The following AFAP1L2 variants were observed in gnomAD, a reference collection of about 807,000 sequenced individuals.
AFAP1L2 encodes the protein actin filament associated protein 1 like 2.
A neutral mutation model predicts 99.3 loss-of-function variants in AFAP1L2; 46 were observed. The observed-to-expected ratio is 0.46, with a 90% CI of 0.37 to 0.59. The LOEUF is 0.59. Among genes scored for constraint, AFAP1L2 ranks in the 20% least tolerant of loss-of-function variants. The pLI is 0.00. For synonymous variants in AFAP1L2, 397 were observed against 419.1 expected, an observed-to-expected ratio of 0.95 and a Z score of 0.64; for missense variants, 959 against 1,034.9, an observed-to-expected ratio of 0.93 and a Z score of 1.01.
chr10:114,363,239 T>A, intron 1 of AFAP1L2: 1 of 935,316 alleles, frequency 1.1e-6, no homozygotes, highest in Non-Finnish European at 1.3e-6. Flanking sequence ...TTGCATCTCT[T>A]GGATGGTCCT....
At chr10:114,398,975 T>C in intron 1 of AFAP1L2, 2 of 1,223,398 alleles carry the variant, frequency 1.6e-6, no homozygotes, top group East Asian at 5.7e-5. Context: ...CATCTCCATT[T>C]CTGGAATCTG....
the AFAP1L2 span, among the ~76,000 whole-genome samples, chr10:114,285,264 C>G: frequency 5.3e-5 from 8 of 152,288 alleles, no homozygotes; most frequent in Admixed American, 4.6e-4. Flanking sequence ...GGAGTCCACC[C>G]AACTCTGGCT....
chr10:114,389,494 A>G (rs2056891009), intron 1 of AFAP1L2, among the ~76,000 whole-genome samples: 2 of 152,164 alleles, frequency 1.3e-5, no homozygotes, highest in Admixed American at 1.3e-4. Flanking sequence ...GTACTAGAAA[A>G]ATCTAATTCC....
At chr10:114,363,925 C>T (rs937678300) in intron 1 of AFAP1L2, among the ~76,000 whole-genome samples, 26 of 151,676 alleles carry the variant, frequency 1.7e-4, no homozygotes, top group Admixed American at 5.3e-4. Flanking sequence ...TGCCCAAAGA[C>T]ACATAGCTAA....
At chr10:114,381,521 C>T (rs1049535353) in intron 1 of AFAP1L2, among the ~76,000 whole-genome samples, 11 of 152,116 alleles carry the variant, frequency 7.2e-5, no homozygotes, top group African/African-American at 2.7e-4. Flanking sequence ...AAATTGTACA[C>T]TTTAAATGGG....
At chr10:114,373,131 T>G (rs1169791783) in intron 1 of AFAP1L2, among the ~76,000 whole-genome samples, 1 of 152,230 alleles carries the variant, frequency 6.6e-6, no homozygotes, top group Non-Finnish European at 1.5e-5. Flanking sequence ...TGGTCCCAGC[T>G]ACTCAGGAGG....
At chr10:114,291,623 A>C, downstream of AFAP1L2, 1 of 199,532 alleles carries the variant, frequency 5.0e-6, no homozygotes, top group Non-Finnish European at 1.0e-5. Context: ...CACACAATCA[A>C]TGCTCGCCAG....
At chr10:114,290,637 CAT>C (rs1465033492), downstream of AFAP1L2, among the ~76,000 whole-genome samples, 3 of 152,144 alleles carry the variant, frequency 2.0e-5, no homozygotes, top group Non-Finnish European at 4.4e-5. Context: ...AATAATACAA[CAT>C]GTGGTGTGGT....
chr10:114,395,683 G>A (rs1325116532), intron 1 of AFAP1L2, among the ~76,000 whole-genome samples: 1 of 152,208 alleles, frequency 6.6e-6, no homozygotes, highest in Non-Finnish European at 1.5e-5. Context: ...TAACAAGAAG[G>A]CTAAGACAGT....
At chr10:114,352,832 G>A (rs1455504995) in intron 1 of AFAP1L2, among the ~76,000 whole-genome samples, 2 of 152,200 alleles carry the variant, frequency 1.3e-5, no homozygotes, top group Non-Finnish European at 2.9e-5. Context: ...CAGCCACAAG[G>A]GGCAATGTTC....
At chr10:114,396,932 T>C (rs1590876479) in intron 1 of AFAP1L2, among the ~76,000 whole-genome samples, 1 of 152,184 alleles carries the variant, frequency 6.6e-6, no homozygotes, top group Non-Finnish European at 1.5e-5. Flanking sequence ...TTTTGTTTTG[T>C]ACCAAATTTC....
At chr10:114,379,470 A>ATAC (rs1421949593) in intron 1 of AFAP1L2, among the ~76,000 whole-genome samples, 2 of 152,310 alleles carry the variant, frequency 1.3e-5, no homozygotes, top group South Asian at 2.1e-4. Context: ...AATAATAATA[A>ATAC]TAAAGAATGA....
chr10:114,297,320 C>T lies in AFAP1L2; in HGVS notation c.2207G>A (p.Ser736Asn), dbSNP rs920570617. ...CAGGTTGTCCTTCACCTCCATGATG[C>T]TGAGCTCCAGGTCCACGCGCCTGCT... ...EESRRVDLELSIMEVKDNLKK... is the reference protein window; with the variant it reads ...EESRRVDLELNIMEVKDNLKK... Residue 736 changes from serine to asparagine, a missense_variant, in exon 17 of 19, where the codon AGC (serine) becomes AAC (asparagine). Coordinates refer to ENST00000304129, the MANE Select transcript of AFAP1L2 (RefSeq NM_001001936.3). The T allele has an allele frequency of 6.2e-7, 1 of 1,613,996 alleles. No individual in the cohort carries two copies. The highest frequency in any genetic ancestry group is 1.7e-5 in the Admixed American group (1 of 60,026).
chr10:114,299,069 G>C (rs916227544), intron 16 of AFAP1L2, among the ~76,000 whole-genome samples, 191 bp downstream of exon 16: 6 of 152,192 alleles, frequency 3.9e-5, no homozygotes, highest in Admixed American at 3.9e-4. Context: ...TTCTCTCTCT[G>C]TCCAGGAGAA....
In AFAP1L2 at chr10:114,295,536, G is replaced by C; in HGVS notation, c.*506C>G. 1.0e-6 allele frequency: 1 copy of C among 985,710 alleles called. No individual in the cohort carries two copies. The highest frequency in any genetic ancestry group is 1.2e-6 in the Non-Finnish European group (1 of 830,162). The allele number at this position is 985,710 out of a possible 1,614,324, so 61.1% of individuals were successfully genotyped here. A position where few individuals can be genotyped will look rare whatever the true frequency, so the allele number is the denominator to read the frequency against. On this transcript the variant is annotated 3_prime_UTR_variant, in exon 19 of 19. Transcript: ENST00000304129. ...GTCAATGCTGTTTAAAATCACTGAA[G>C]ACTGAGTTGGGCCTGGTAATATTGG... is the stretch of plus-strand genomic sequence containing the variant.
chr10:114,356,854 T>C (rs77414898), intron 1 of AFAP1L2, among the ~76,000 whole-genome samples: 1,891 of 152,300 alleles, frequency 0.012, 20 homozygotes, highest in Non-Finnish European at 0.018. Flanking sequence ...CTTTTACATG[T>C]GTTGGTCATG....
In AFAP1L2 at chr10:114,310,548, G is replaced by C. The variant is rs549387347; in HGVS notation, c.793-105C>G. ...GCAGGTCAGGGGAGAGTGGGTGGAGGTGAGAGAGAAGATGAATTTCCAAGG... is the reference window on the plus strand; with the variant it reads ...GCAGGTCAGGGGAGAGTGGGTGGAGCTGAGAGAGAAGATGAATTTCCAAGG... On this transcript the variant is annotated intron_variant, in intron 7 of 18. Coordinates refer to ENST00000304129, the MANE Select transcript of AFAP1L2 (RefSeq NM_001001936.3). 68 of 995,018 alleles carry C rather than the reference G, an allele frequency of 6.8e-5. No homozygotes were observed. The African/African-American group carries it at 1.0e-3, about 15-fold the overall frequency. 61.6% of individuals were successfully genotyped at this position (995,018 alleles called of 1,614,324 possible).
chr10:114,331,938 C>A, intron 3 of AFAP1L2, 41 bp from the exon 4 acceptor site: 1 of 1,211,288 alleles, frequency 8.3e-7, no homozygotes, highest in Non-Finnish European at 1.1e-6. Context: ...GAGGGGTGAC[C>A]AGCCTTACAC....
chr10:114,327,161 ATATATATATATATTTT>A lies in AFAP1L2; in HGVS notation c.316-3916_316-3901del, dbSNP rs1471053548. 6.6e-4 allele frequency among the ~76,000 whole-genome samples: 54 copies of A among 81,518 alleles called. 4 individuals are homozygous for A. The highest frequency in any genetic ancestry group is 1.5e-3 in the Non-Finnish European group (48 of 33,012). 53.5% of individuals were successfully genotyped at this position (81,518 alleles called of 152,430 possible). Reference sequence around the variant, plus strand: ...TTTATATATATTTATATATATATATATATATATATATATTTTTTTTTTAGGCAGAGTCTCACTGTGT... The same window carrying A: ...TTTATATATATTTATATATATATATATTTTTTAGGCAGAGTCTCACTGTGT... On this transcript the variant is annotated intron_variant, in intron 4 of 18. Coordinates refer to ENST00000304129, the MANE Select transcript of AFAP1L2 (RefSeq NM_001001936.3).
Sources: gnomAD v4.1 joint callset for allele counts (sites outside exome capture counted in the v4.1 genomes callset) on GRCh38, gnomAD v4.1.1 for gene constraint, MANE v1.5 for transcripts, NCBI Gene and HGNC (gene_info 2026-07-23, HGNC 2026-07-21) for gene names.